Variants in PLAUR observed in about 807,000 individuals in gnomAD.
The protein encoded by PLAUR is plasminogen activator, urokinase receptor, also known as urokinase plasminogen activator surface receptor.
PLAUR carries 22 observed loss-of-function variants against 33.4 expected under a neutral mutation model. The observed-to-expected ratio is 0.66, with a 90% CI of 0.47 to 0.94. PLAUR has a LOEUF of 0.94. PLAUR is among the 40% of genes least tolerant of loss of function. The pLI, the probability that PLAUR is intolerant of heterozygous loss-of-function variation, is 0.00. For missense variants in PLAUR, 408 were observed against 434.7 expected (o/e 0.94, Z 0.55); for synonymous variants, 148 against 167.3 (o/e 0.88, Z 0.89).
intron 1 of PLAUR, 148 bp from the exon 2 acceptor site, chr19:43,667,839 G>C (rs1967327334): frequency 6.9e-7 from 1 of 1,457,528 alleles, no homozygotes; most frequent in East Asian, 2.5e-5. Flanking sequence ...TCCGGCCGGC[G>C]GTACTTCCAG....
intron 1 of PLAUR, 63 bp downstream of exon 1, chr19:43,670,003 C>A: frequency 6.7e-7 from 1 of 1,502,850 alleles, no homozygotes; most frequent in African/African-American, 1.4e-5. Context: ...CATCCTCTGA[C>A]AACCCCCAAC....
chr19:43,658,271 G>C (rs760599987), intron 3 of PLAUR, among the ~76,000 whole-genome samples: 5 of 152,158 alleles, frequency 3.3e-5, no homozygotes, highest in African/African-American at 4.8e-5. Flanking sequence ...GCCATGGGAG[G>C]GGAGCATTCA....
At chr19:43,654,068 G>A (rs1278043282) in intron 5 of PLAUR, among the ~76,000 whole-genome samples, 1 of 151,750 alleles carries the variant, frequency 6.6e-6, no homozygotes, top group Non-Finnish European at 1.5e-5. Flanking sequence ...AGCTTGCAGT[G>A]AGCCAAGATC....
chr19:43,655,084 T>C (rs1230803276), intron 5 of PLAUR, among the ~76,000 whole-genome samples: 1 of 150,572 alleles, frequency 6.6e-6, no homozygotes, highest in African/African-American at 2.4e-5. Flanking sequence ...GAGACCAGCC[T>C]GGCCAACATG....
intron 3 of PLAUR, among the ~76,000 whole-genome samples, chr19:43,658,574 G>A (rs757343088): frequency 6.6e-6 from 1 of 152,092 alleles, no homozygotes; most frequent in Non-Finnish European, 1.5e-5. Flanking sequence ...TGTGGTGTTG[G>A]CCAACTGGAT....
chr19:43,653,914 A>G (rs1226842010), intron 5 of PLAUR, among the ~76,000 whole-genome samples: 1 of 152,108 alleles, frequency 6.6e-6, no homozygotes, highest in Non-Finnish European at 1.5e-5. Context: ...TCATGAGGTC[A>G]GGAGATCGAG....
At chr19:43,665,540 C>T in intron 2 of PLAUR, 81 bp from the exon 3 acceptor site, 2 of 1,441,756 alleles carry the variant, frequency 1.4e-6, no homozygotes, top group Non-Finnish European at 1.9e-6. Flanking sequence ...CAAGGTCATC[C>T]ACTCCCAGGG....
In PLAUR at chr19:43,652,138, T is replaced by C; in HGVS notation, c.754+87A>G. The C allele has an allele frequency of 2.5e-6, 4 of 1,574,158 alleles. No homozygotes were observed. In the South Asian group the frequency reaches 4.6e-5, roughly 18 times the overall value. On this transcript the variant is annotated intron_variant, in intron 6 of 6. Transcript: ENST00000340093. ...TTTTCCACAGGGAGACCCACCACAG[T>C]TAACTCCAGCTTAACTGGAAGTCAA...
chr19:43,652,773 C>A (rs888893375), intron 5 of PLAUR, among the ~76,000 whole-genome samples: 2 of 152,230 alleles, frequency 1.3e-5, no homozygotes, highest in South Asian at 4.1e-4. Context: ...ACATCAGCCT[C>A]CTGAGTAGCT....
chr19:43,646,459 A>G (rs750080469), downstream of PLAUR: 14 of 718,170 alleles, frequency 1.9e-5, no homozygotes, highest in South Asian at 4.4e-5. Context: ...CATGGCATTT[A>G]TACATGAGTA....
intron 3 of PLAUR, among the ~76,000 whole-genome samples, chr19:43,664,411 C>T (rs1967138908): frequency 6.6e-6 from 1 of 152,202 alleles, no homozygotes; most frequent in South Asian, 2.1e-4. Context: ...CCCCACCCTT[C>T]CTCTCCTGTG....
At chr19:43,656,451 GA>G in intron 4 of PLAUR, 27 bp downstream of exon 4, 1 of 1,553,952 alleles carries the variant, frequency 6.4e-7, no homozygotes, top group Non-Finnish European at 8.7e-7. Flanking sequence ...GAGCAGGGAG[GA>G]GGAGTTGCCA....
downstream of PLAUR, among the ~76,000 whole-genome samples, chr19:43,648,343 A>G (rs4251926): frequency 0.12 from 18,237 of 152,022 alleles, 2,093 homozygotes; most frequent in African/African-American, 0.3. Context: ...GTCCGGATTT[A>G]GCCGATTTTT....
chr19:43,649,153 G>C lies in PLAUR; in HGVS notation c.755-10C>G, dbSNP rs557488464. ...CTTTGGTTTTTCGGTTCTGAGGAAA[G>C]AGAAGACGGAGTGAGACTTCCAGCT... On this transcript the variant is annotated splice_polypyrimidine_tract_variant and intron_variant, in intron 6 of 6. Coordinates refer to ENST00000340093, the MANE Select transcript of PLAUR (RefSeq NM_002659.4). The C allele has an allele frequency of 1.1e-5, 18 of 1,600,284 alleles. No individual in the cohort carries two copies. In the East Asian group the frequency reaches 3.6e-4, roughly 32 times the overall value.
chr19:43,665,068 G>C, intron 3 of PLAUR: 1 of 527,368 alleles, frequency 1.9e-6, no homozygotes, highest in Non-Finnish European at 3.5e-6. Flanking sequence ...GTTTGAGTTG[G>C]GAACAGTGTT....
chr19:43,646,237 C>A (rs538673924), downstream of PLAUR: 1 of 487,450 alleles, frequency 2.1e-6, no homozygotes, highest in East Asian at 3.7e-5. Flanking sequence ...CTGTGCCTGT[C>A]CTTCCATGAT....
intron 3 of PLAUR, among the ~76,000 whole-genome samples, chr19:43,663,344 CACACACACAG>C (rs1308802490): frequency 1.5e-5 from 2 of 129,778 alleles, no homozygotes; most frequent in African/African-American, 3.1e-5. Flanking sequence ...CACACACACA[CACACACACAG>C]GACTGTGAGT....
At chr19:43,666,505 C>G (rs1967259883) in intron 2 of PLAUR, among the ~76,000 whole-genome samples, 1 of 150,550 alleles carries the variant, frequency 6.6e-6, no homozygotes, top group Non-Finnish European at 1.5e-5. Context: ...CCCTCCCTCC[C>G]TGCCTCTCTC....
Position 43,648,641 on chromosome 19 carries a change from A to G in PLAUR, c.*249T>C, listed in dbSNP as rs1195571681. 1.3e-6 allele frequency: 1 copy of G among 797,126 alleles called. No homozygotes were observed. The highest frequency in any genetic ancestry group is 3.4e-5 in the East Asian group (1 of 29,574). 49.4% of individuals were successfully genotyped at this position (797,126 alleles called of 1,614,324 possible). On this transcript the variant is annotated 3_prime_UTR_variant, in exon 7 of 7. Transcript: ENST00000340093. ...ATAATATGAATATTAATTAATAACA[A>G]CAACACAACAGCGGCAACAATATTA...
Sources: gnomAD v4.1 joint callset for allele counts (sites outside exome capture counted in the v4.1 genomes callset) on GRCh38, gnomAD v4.1.1 for gene constraint, MANE v1.5 for transcripts, NCBI Gene and HGNC (gene_info 2026-07-23, HGNC 2026-07-21) for gene names.